Variants in THSD7B observed in about 807,000 individuals in gnomAD.
The protein encoded by THSD7B is thrombospondin type 1 domain containing 7B.
A neutral mutation model predicts 213.6 loss-of-function variants in THSD7B; 138 were observed. That is an observed-to-expected ratio of 0.65 (90% CI 0.56 to 0.74). The LOEUF is 0.74. Among genes scored for constraint, THSD7B ranks in the 30% least tolerant of loss-of-function variants. The probability of loss-of-function intolerance (pLI) is 0.00; values close to 1 mark genes in which losing one functional copy is unlikely to be tolerated. For missense variants in THSD7B, 1,931 were observed against 1,991.5 expected, an observed-to-expected ratio of 0.97 and a Z score of 0.58; for synonymous variants, 742 against 687.0, an observed-to-expected ratio of 1.08 and a Z score of -1.25.
intron 7 of THSD7B, among the ~76,000 whole-genome samples, chr2:137,200,856 GATGGGGACT>G (rs2105024083): frequency 2.0e-5 from 3 of 151,332 alleles, no homozygotes; most frequent in South Asian, 4.2e-4. Flanking sequence ...ATATTGAAGA[GATGGGGACT>G]CCTATGTTGC....
chr2:137,053,392 TTTGCTGCTTG>T (rs1687103953), intron 2 of THSD7B, among the ~76,000 whole-genome samples: 1 of 152,032 alleles, frequency 6.6e-6, no homozygotes, highest in Non-Finnish European at 1.5e-5. Context: ...CAGAAAAAAT[TTTGCTGCTTG>T]ATGAAATTCT....
In THSD7B at chr2:136,825,718, A is replaced by ATTTTTTTTTTTTTTGTTTTTTTTT. The variant is rs759978910; in HGVS notation, c.-35-56412_-35-56411insGTTTTTTTTTTTTTTTTTTTTTTT. ...AGGTGCTCACTGCCATGCCTGGCTA[A>ATTTTTTTTTTTTTTGTTTTTTTTT]TTTTTTTTTTTTTTTTAGATCTGGG... is the stretch of plus-strand genomic sequence containing the variant. On this transcript the variant is annotated intron_variant, in intron 1 of 27. Transcript: ENST00000409968. 1.0e-4 allele frequency among the ~76,000 whole-genome samples: 12 copies of ATTTTTTTTTTTTTTGTTTTTTTTT among 116,890 alleles called. 2 individuals are homozygous for ATTTTTTTTTTTTTTGTTTTTTTTT. The East Asian group carries it at 1.1e-3, about 11-fold the overall frequency. 76.7% of individuals were successfully genotyped at this position (116,890 alleles called of 152,430 possible). A position where few individuals can be genotyped will look rare whatever the true frequency, so the allele number is the denominator to read the frequency against.
At chr2:137,660,450 A>G (rs550962180) in intron 25 of THSD7B, among the ~76,000 whole-genome samples, 7 of 152,316 alleles carry the variant, frequency 4.6e-5, no homozygotes, top group African/African-American at 1.7e-4. Context: ...TCAAGTACTC[A>G]GTCCTATTAT....
chr2:136,930,670 A>G, intron 2 of THSD7B, among the ~76,000 whole-genome samples: 1 of 152,218 alleles, frequency 6.6e-6, no homozygotes. Flanking sequence ...AAAGTATATC[A>G]GCTCTAAAGA....
chr2:137,404,474 T>TATATATATATATACACACAC (rs1306580538), intron 12 of THSD7B, among the ~76,000 whole-genome samples: 1 of 40,262 alleles, frequency 2.5e-5, no homozygotes, highest in African/African-American at 1.3e-4. Context: ...TATATATATA[T>TATATATATATATACACACAC]ACACACACAC....
intron 6 of THSD7B, among the ~76,000 whole-genome samples, chr2:137,163,202 C>A (rs1218060248): frequency 1.3e-5 from 2 of 152,162 alleles, no homozygotes; most frequent in Non-Finnish European, 2.9e-5. Context: ...TCAACCTGTG[C>A]AGATATACCC....
chr2:136,767,234 TACTC>T (rs1681417013), intron 1 of THSD7B, among the ~76,000 whole-genome samples: 1 of 152,188 alleles, frequency 6.6e-6, no homozygotes, highest in South Asian at 2.1e-4. Flanking sequence ...CAAGAAGTCT[TACTC>T]AGTGGTGAGT....
chr2:137,662,679 G>A (rs1442108605), intron 25 of THSD7B, among the ~76,000 whole-genome samples: 1 of 152,088 alleles, frequency 6.6e-6, no homozygotes, highest in Non-Finnish European at 1.5e-5. Context: ...AGGGTGGGTT[G>A]GAGCAACTAG....
chr2:137,551,272 T>C (rs1680842630), intron 15 of THSD7B, among the ~76,000 whole-genome samples: 1 of 152,292 alleles, frequency 6.6e-6, no homozygotes, highest in East Asian at 1.9e-4. Context: ...CCCTTCATTT[T>C]TGATATGAAG....
chr2:137,023,491 A>G (rs1432772450), intron 2 of THSD7B, among the ~76,000 whole-genome samples: 1 of 152,166 alleles, frequency 6.6e-6, no homozygotes, highest in Non-Finnish European at 1.5e-5. Context: ...TAGGGAAAGG[A>G]TCTGAGAGCA....
At chr2:136,798,095 T>C (rs556333713) in intron 1 of THSD7B, among the ~76,000 whole-genome samples, 1 of 151,984 alleles carries the variant, frequency 6.6e-6, no homozygotes, top group South Asian at 2.1e-4. Flanking sequence ...GCCCTTACAA[T>C]CAAGGATGCC....
At chr2:137,064,643 G>T (rs985750201) in intron 3 of THSD7B, among the ~76,000 whole-genome samples, 1 of 151,912 alleles carries the variant, frequency 6.6e-6, no homozygotes, top group Non-Finnish European at 1.5e-5. Flanking sequence ...ATAGTTTGAG[G>T]TCTTGGGTTT....
intron 12 of THSD7B, among the ~76,000 whole-genome samples, chr2:137,346,911 G>A (rs1684888431): frequency 6.6e-6 from 1 of 151,580 alleles, no homozygotes. Context: ...ATATCTCTTT[G>A]AGATTCTGAT....
intron 1 of THSD7B, among the ~76,000 whole-genome samples, chr2:136,791,101 T>G (rs1467279442): frequency 1.3e-5 from 2 of 151,512 alleles, no homozygotes; most frequent in Non-Finnish European, 2.9e-5. Flanking sequence ...CATTGGAGAG[T>G]TGGTGATAAT....
intron 12 of THSD7B, among the ~76,000 whole-genome samples, chr2:137,329,600 C>G (rs575868418): frequency 1.3e-5 from 2 of 152,216 alleles, no homozygotes; most frequent in Non-Finnish European, 2.9e-5. Flanking sequence ...CTCCTGACTT[C>G]GTGATCTGCC....
chr2:136,879,737 A>G (rs904742007), intron 1 of THSD7B, among the ~76,000 whole-genome samples: 9 of 152,140 alleles, frequency 5.9e-5, no homozygotes, highest in Non-Finnish European at 1.0e-4. Context: ...ATGTGCAGAG[A>G]CACACATAGG....
intron 2 of THSD7B, among the ~76,000 whole-genome samples, chr2:136,920,296 C>G (rs1011816590): frequency 3.3e-5 from 5 of 152,284 alleles, no homozygotes; most frequent in South Asian, 2.1e-4. Context: ...ACAGGCAGGT[C>G]GTCCTGATGA....
chr2:136,790,508 T>C (rs184898756), intron 1 of THSD7B, among the ~76,000 whole-genome samples: 25 of 152,258 alleles, frequency 1.6e-4, no homozygotes, highest in African/African-American at 5.8e-4. Context: ...TGCAAATTTC[T>C]ACAACATTTA....
chr2:137,097,255 C>T (rs1688054960), intron 4 of THSD7B, among the ~76,000 whole-genome samples: 1 of 151,982 alleles, frequency 6.6e-6, no homozygotes. Context: ...TTACAGTTCT[C>T]TTGGAAGTCA....
Sources: gnomAD v4.1 joint callset for allele counts (sites outside exome capture counted in the v4.1 genomes callset) on GRCh38, gnomAD v4.1.1 for gene constraint, MANE v1.5 for transcripts, NCBI Gene and HGNC (gene_info 2026-07-23, HGNC 2026-07-21) for gene names.